HDGFL3: variants seen among roughly 807,000 people sequenced by gnomAD.
HDGFL3 encodes hepatoma-derived growth factor-related protein 3.
In HDGFL3, 6 loss-of-function variants were observed where a neutral mutation model predicts 27.6. The ratio of observed to expected loss-of-function variants is 0.22; its 90% confidence interval spans 0.12 to 0.43. The LOEUF (loss-of-function observed/expected upper bound fraction) is 0.43. Among genes scored for constraint, HDGFL3 ranks in the 20% least tolerant of loss-of-function variants. The pLI, the probability that HDGFL3 is intolerant of heterozygous loss-of-function variation, is 1.00. For synonymous variants in HDGFL3, 88 were observed against 88.9 expected, an observed-to-expected ratio of 0.99 and a Z score of 0.05; for missense variants, 207 against 250.1, an observed-to-expected ratio of 0.83 and a Z score of 1.16.
At chr15:83,182,954 G>C (rs2037397576) in intron 1 of HDGFL3, among the ~76,000 whole-genome samples, 1 of 152,170 alleles carries the variant, frequency 6.6e-6, no homozygotes, top group South Asian at 2.1e-4. Context: ...TAGGTCTTGG[G>C]TGTATGGGTG....
At chr15:83,127,417 GGTTCCTGGAT>G (rs761505263), downstream of HDGFL3, 9 of 1,613,870 alleles carry the variant, frequency 5.6e-6, no homozygotes, top group African/African-American at 5.3e-5. Context: ...ATGGCTTAGT[GGTTCCTGGAT>G]GTTCCTGGAT....
At chr15:83,122,908 T>G, downstream of HDGFL3, 1 of 1,611,692 alleles carries the variant, frequency 6.2e-7, no homozygotes, top group Non-Finnish European at 8.5e-7. Flanking sequence ...ATGTACCCTG[T>G]TCTCAAACTC....
At chr15:83,169,820 C>T (rs116309253) in intron 1 of HDGFL3, among the ~76,000 whole-genome samples, 73 of 152,000 alleles carry the variant, frequency 4.8e-4, no homozygotes, top group African/African-American at 1.7e-3. Context: ...AACAAAAATC[C>T]CTAAAGACTT....
chr15:83,118,987 C>A (rs932446186), intron 3 of HDGFL3, among the ~76,000 whole-genome samples: 6 of 152,140 alleles, frequency 3.9e-5, no homozygotes, highest in African/African-American at 1.4e-4. Flanking sequence ...AATCTCAGAG[C>A]ATCTGTTTCC....
rs1456521988 is a variant in HDGFL3 at position 83,132,731 on chromosome 15, C to A, written c.*6539G>T. The A allele has an allele frequency of 6.6e-6, 1 of 151,848 alleles. No individual in the cohort carries two copies. The allele number at this position is 151,848 out of a possible 1,614,324, so 9.4% of individuals were successfully genotyped here. On this transcript the variant is annotated 3_prime_UTR_variant, in exon 6 of 6. Coordinates refer to ENST00000299633, the MANE Select transcript of HDGFL3 (RefSeq NM_016073.4). ...TCATACGGTTTTTCCCTCATGGAGA[C>A]GTTAAGAAAAATCTGAAAGTAACAG...
intron 1 of HDGFL3, among the ~76,000 whole-genome samples, chr15:83,198,598 G>T (rs1186263572): frequency 6.6e-6 from 1 of 152,164 alleles, no homozygotes; most frequent in Non-Finnish European, 1.5e-5. Context: ...TTAGCTCATG[G>T]TTCTGCAGGC....
chr15:83,139,120 A>T lies in HDGFL3; in HGVS notation c.*150T>A. The T allele has an allele frequency of 2.2e-6, 1 of 451,734 alleles. No homozygotes were observed. Among genetic ancestry groups the T allele is most frequent in the Non-Finnish European group, 4.0e-6 (1 of 252,074 alleles). The allele number at this position is 451,734 out of a possible 1,614,324, so 28.0% of individuals were successfully genotyped here. ...GTCTTTTCCCCCCGAAACACAACAG[A>T]GAGGAATATGAATAATGTACATACA... On this transcript the variant is annotated 3_prime_UTR_variant, in exon 6 of 6. Transcript: ENST00000299633.
chr15:83,185,125 G>C (rs1404479193), intron 1 of HDGFL3: 1 of 152,364 alleles, frequency 6.6e-6, no homozygotes, highest in Non-Finnish European at 1.5e-5. Context: ...CCGGGTTCAA[G>C]CAATTCTCCT....
exon 4 of HDGFL3, chr15:83,112,768 T>G (rs772235568): frequency 8.6e-6 from 13 of 1,518,666 alleles, no homozygotes; most frequent in Non-Finnish European, 1.2e-5. Context: ...ATTTTGATAG[T>G]GACCACCTCC....
At chr15:83,125,369 G>A (rs1307806451), downstream of HDGFL3, among the ~76,000 whole-genome samples, 1 of 152,172 alleles carries the variant, frequency 6.6e-6, no homozygotes, top group African/African-American at 2.4e-5. Context: ...GCAGAGGTTA[G>A]GAAAAAGACT....
chr15:83,149,236 C>T (rs1260365576), intron 5 of HDGFL3, among the ~76,000 whole-genome samples: 5 of 152,272 alleles, frequency 3.3e-5, no homozygotes, highest in South Asian at 2.1e-4. Context: ...ATGCAGACCA[C>T]GCACAATATG....
chr15:83,149,071 TA>T (rs1470295026), intron 5 of HDGFL3, among the ~76,000 whole-genome samples: 1 of 152,098 alleles, frequency 6.6e-6, no homozygotes, highest in Non-Finnish European at 1.5e-5. Context: ...ATAACAAATA[TA>T]TCATTAAAAA....
intron 1 of HDGFL3, among the ~76,000 whole-genome samples, chr15:83,185,535 G>T (rs2037432065): frequency 6.6e-6 from 1 of 152,176 alleles, no homozygotes; most frequent in African/African-American, 2.4e-5. Context: ...GTGTGAGGTT[G>T]TCTTAAATCC....
intron 5 of HDGFL3, among the ~76,000 whole-genome samples, chr15:83,143,261 C>T (rs1377650362): frequency 6.6e-6 from 1 of 152,178 alleles, no homozygotes; most frequent in Non-Finnish European, 1.5e-5. Flanking sequence ...ACCCACCCAC[C>T]TTGGCCTCCC....
Position 83,137,626 on chromosome 15 carries a change from T to C in HDGFL3, c.*1644A>G, listed in dbSNP as rs1294596246. The C allele has an allele frequency of 6.6e-6, 1 of 152,164 alleles. No homozygotes were observed. Among genetic ancestry groups the C allele is most frequent in the Non-Finnish European group, 1.5e-5 (1 of 68,014 alleles). 9.4% of individuals were successfully genotyped at this position (152,164 alleles called of 1,614,324 possible). On this transcript the variant is annotated 3_prime_UTR_variant, in exon 6 of 6. Coordinates refer to ENST00000299633, the MANE Select transcript of HDGFL3 (RefSeq NM_016073.4). ...TTTTATGAACTTTTCATGTTTGGGATTGTATGTTGAGTATACTAGAGAAAA... is the reference window on the plus strand; with the variant it reads ...TTTTATGAACTTTTCATGTTTGGGACTGTATGTTGAGTATACTAGAGAAAA...
At chr15:83,145,974 G>A (rs1292859411) in intron 5 of HDGFL3, among the ~76,000 whole-genome samples, 2 of 115,714 alleles carry the variant, frequency 1.7e-5, no homozygotes, top group Non-Finnish European at 3.2e-5. Flanking sequence ...GCAGTGGCTC[G>A]ATCTTGGCTC....
chr15:83,206,522 C>T (rs1018927555), intron 1 of HDGFL3, among the ~76,000 whole-genome samples: 1 of 152,220 alleles, frequency 6.6e-6, no homozygotes, highest in Non-Finnish European at 1.5e-5. Context: ...TACATGCAGA[C>T]GCTTTCTAGA....
chr15:83,183,193 G>T (rs2037400748), intron 1 of HDGFL3, among the ~76,000 whole-genome samples: 1 of 152,144 alleles, frequency 6.6e-6, no homozygotes, highest in South Asian at 2.1e-4. Context: ...TGAAACCACA[G>T]TAGTAGCTAT....
At chr15:83,146,596 T>G (rs553681350) in intron 5 of HDGFL3, among the ~76,000 whole-genome samples, 44 of 152,216 alleles carry the variant, frequency 2.9e-4, no homozygotes, top group Non-Finnish European at 6.0e-4. Flanking sequence ...ACATCCTTGA[T>G]TCCCTGGCCT....
Sources: allele counts gnomAD v4.1 joint callset (sites outside exome capture counted in the v4.1 genomes callset), GRCh38; gene constraint gnomAD v4.1.1; transcripts MANE v1.5; gene names NCBI Gene and HGNC (gene_info 2026-07-23, HGNC 2026-07-21).